The following SH3TC1 variants were observed in gnomAD, a reference collection of about 807,000 sequenced individuals.
SH3TC1 encodes SH3 domain and tetratricopeptide repeat-containing protein 1.
In SH3TC1, 135 loss-of-function variants were observed where a neutral mutation model predicts 117.3. The observed-to-expected ratio is 1.15, with a 90% confidence interval of 1.00 to 1.33. SH3TC1 has a LOEUF of 1.33. Among genes scored for constraint, SH3TC1 ranks in the 40% most tolerant of loss-of-function variants. The probability of loss-of-function intolerance (pLI) is 0.00; values close to 1 mark genes in which losing one functional copy is unlikely to be tolerated. For missense variants in SH3TC1, 2,092 were observed against 1,794.3 expected (o/e 1.17, Z -3.00); for synonymous variants, 898 against 816.9 (o/e 1.10, Z -1.69).
In SH3TC1 at chr4:8,205,240, G is replaced by A. The variant is rs1718103341; in HGVS notation, c.46G>A (p.Gly16Arg). 3 of 1,549,890 alleles carry A rather than the reference G, an allele frequency of 1.9e-6. No homozygotes were observed. In the South Asian group the frequency reaches 3.6e-5, roughly 18 times the overall value. Residue 16 changes from glycine to arginine, a missense_variant, in exon 2 of 18, where the codon GGG becomes AGG. Coordinates refer to ENST00000245105, the MANE Select transcript of SH3TC1 (RefSeq NM_018986.5). The surrounding 1 kb of genome is among the most constrained non-coding windows in gnomAD (Gnocchi z 5.4). Reference protein sequence around the residue: ...AVTTEEPTPMGRGPVGPSGGG... With the variant: ...AVTTEEPTPMRRGPVGPSGGG... ...GACCACTGAGGAGCCGACCCCCATG[G>A]GGAGGGGTCCTGTGGGACCCTCAGG... is the stretch of plus-strand genomic sequence containing the variant.
At position 8,236,326 on chromosome 4, in the gene SH3TC1, C is replaced by A; in HGVS notation, c.3454C>A (p.Leu1152Met). 1 of 1,553,946 alleles carries A rather than the reference C, an allele frequency of 6.4e-7. No homozygotes were observed. Residue 1152 changes from leucine (L) to methionine (M), a missense_variant, in exon 16 of 18, where the codon CTG (leucine) becomes ATG (methionine). Transcript: ENST00000245105. ...GACTACGGGCAACCGCAAGGCGGAGCTGCGGCTGTGCAACAAGCTGGTGGC... is the reference window on the plus strand; with the variant it reads ...GACTACGGGCAACCGCAAGGCGGAGATGCGGCTGTGCAACAAGCTGGTGGC... Reference protein sequence around the residue: ...AVTTGNRKAELRLCNKLVALL... With the variant: ...AVTTGNRKAEMRLCNKLVALL...
At chr4:8,226,094 C>T (rs1025653624) in intron 11 of SH3TC1, among the ~76,000 whole-genome samples, 3 of 152,068 alleles carry the variant, frequency 2.0e-5, no homozygotes, top group African/African-American at 7.2e-5. Flanking sequence ...AATAAGGAGA[C>T]AGTTTGTAGT....
At position 8,236,497 on chromosome 4, in the gene SH3TC1, G is replaced by A. The variant is rs919190760; in HGVS notation, c.3556+69G>A. On this transcript the variant is annotated intron_variant, in intron 16 of 17. Transcript: ENST00000245105. ...CAGAGCTCAGCCTCCAGGTCTGCAGGGCAGGAGCCGAAACAGCTGCCGGAT... is the reference window on the plus strand; with the variant it reads ...CAGAGCTCAGCCTCCAGGTCTGCAGAGCAGGAGCCGAAACAGCTGCCGGAT... 6 of 1,410,190 alleles carry A rather than the reference G, an allele frequency of 4.3e-6. No individual in the cohort carries two copies. In the African/African-American group the frequency reaches 4.5e-5, roughly 11 times the overall value. 87.4% of individuals were successfully genotyped at this position (1,410,190 alleles called of 1,614,324 possible). A position where few individuals can be genotyped will look rare whatever the true frequency, so the allele number is the denominator to read the frequency against.
intron 1 of SH3TC1, among the ~76,000 whole-genome samples, chr4:8,185,941 G>A (rs1717206465): frequency 1.3e-5 from 2 of 152,212 alleles, no homozygotes; most frequent in African/African-American, 4.8e-5. Flanking sequence ...GTCTGCTCCT[G>A]GATGCCCAGT....
At chr4:8,216,364 G>T in intron 6 of SH3TC1, 107 bp downstream of exon 6, 1 of 1,469,414 alleles carries the variant, frequency 6.8e-7, no homozygotes, top group South Asian at 1.4e-5. Context: ...GGGGCTGTGG[G>T]CTGCGGAGCC....
chr4:8,210,467 G>A lies in SH3TC1; in HGVS notation c.247+645G>A, dbSNP rs1356600601. On this transcript the variant is annotated intron_variant, in intron 3 of 17. Coordinates refer to ENST00000245105, the MANE Select transcript of SH3TC1 (RefSeq NM_018986.5). This position sits in a 1 kb window ranked among gnomAD's most constrained non-coding sequence, Gnocchi z 4.1. Reference sequence around the variant, plus strand: ...CCAGGACGCATTAGGCAATAGGACCGTTATTTAGAATTTGAAAATGCAGGC... The same window carrying A: ...CCAGGACGCATTAGGCAATAGGACCATTATTTAGAATTTGAAAATGCAGGC... Among the ~76,000 whole-genome samples, 1 of 152,212 alleles carries A rather than the reference G, an allele frequency of 6.6e-6. No homozygotes were observed. Among genetic ancestry groups the A allele is most frequent in the Non-Finnish European group, 1.5e-5 (1 of 68,040 alleles).
chr4:8,207,863 G>A (rs899695766), intron 2 of SH3TC1, among the ~76,000 whole-genome samples: 3 of 152,150 alleles, frequency 2.0e-5, no homozygotes, highest in African/African-American at 7.2e-5. Flanking sequence ...CTTTTCAACT[G>A]GAGGATGGTG....
Position 8,237,471 on chromosome 4 carries a change from C to A in SH3TC1, c.3557-3C>A. On this transcript the variant is annotated splice_polypyrimidine_tract_variant and splice_region_variant and intron_variant, in intron 16 of 17. Transcript: ENST00000245105. Reference sequence around the variant, plus strand: ...ACACCTGCCCCCTTGGCCTGCACCCCAGGGGACCGGCTGAACGAGCGCGTG... The same window carrying A: ...ACACCTGCCCCCTTGGCCTGCACCCAAGGGGACCGGCTGAACGAGCGCGTG... The A allele has an allele frequency of 6.4e-7, 1 of 1,561,022 alleles. No individual in the cohort carries two copies.
At chr4:8,232,751 A>G (rs1366322296) in intron 13 of SH3TC1, 2 of 1,289,672 alleles carry the variant, frequency 1.6e-6, no homozygotes, top group Admixed American at 2.3e-5. Context: ...ACTCACCAAG[A>G]GAGCAGGGAA....
chr4:8,214,604 T>C (rs200648098), intron 5 of SH3TC1, 24 bp downstream of exon 5: 110 of 1,600,026 alleles, frequency 6.9e-5, no homozygotes, highest in Non-Finnish European at 8.5e-5. Context: ...CCTCCCAGAA[T>C]TGGTCATGGG....
Position 8,232,050 on chromosome 4 carries a change from T to C in SH3TC1, c.3025T>C (p.Tyr1009His). The C allele has an allele frequency of 6.2e-7, 1 of 1,613,456 alleles. No individual in the cohort carries two copies. Among genetic ancestry groups the C allele is most frequent in the Non-Finnish European group, 8.5e-7 (1 of 1,180,004 alleles). Residue 1009 changes from tyrosine (Y) to histidine (H), a missense_variant, in exon 13 of 18, where the codon TAC becomes CAC. Coordinates refer to ENST00000245105, the MANE Select transcript of SH3TC1 (RefSeq NM_018986.5). ...GCCCAGCGAGGCCCAGTGTGTCATC[T>C]ACCATGAGCTCCAGCTCTCCCTGGC... ...VMPSEAQCVI[Y>H]HELQLSLACK...
intron 17 of SH3TC1, among the ~76,000 whole-genome samples, chr4:8,239,384 CAGGCCCCAT>C (rs1722124277): frequency 6.7e-6 from 1 of 148,590 alleles, no homozygotes; most frequent in African/African-American, 2.6e-5. Flanking sequence ...CACACAGGCA[CAGGCCCCAT>C]GTACACACAG....
chr4:8,216,748 G>T (rs1719315830), intron 6 of SH3TC1, among the ~76,000 whole-genome samples: 2 of 152,174 alleles, frequency 1.3e-5, no homozygotes. Flanking sequence ...GGCTGAGCCA[G>T]CCTCACACAC....
chr4:8,220,900 G>A (rs945961471), intron 9 of SH3TC1, among the ~76,000 whole-genome samples: 4 of 152,238 alleles, frequency 2.6e-5, no homozygotes, highest in African/African-American at 9.6e-5. Context: ...GATGGCAGGA[G>A]CTAGACCAGC....
Position 8,191,012 on chromosome 4 carries a change from GGC to G in SH3TC1, c.-57+8804_-57+8805del, listed in dbSNP as rs533980913. On this transcript the variant is annotated intron_variant, in intron 1 of 16. Transcript: ENST00000508641. ...TTTAAAGGTGGAGATGCTGAGGACTGGCGGGAGCTGCAGGGCTGCTGTGGGGG... is the reference window on the plus strand; with the variant it reads ...TTTAAAGGTGGAGATGCTGAGGACTGGGGAGCTGCAGGGCTGCTGTGGGGG... Among the ~76,000 whole-genome samples, 1,014 of 152,322 alleles carry G rather than the reference GGC, an allele frequency of 6.7e-3. 4 individuals carry two copies. The highest frequency in any genetic ancestry group is 0.01 in the Non-Finnish European group (688 of 68,026).
At chr4:8,194,567 CA>C (rs2152975175), upstream of SH3TC1, among the ~76,000 whole-genome samples, 1 of 152,316 alleles carries the variant, frequency 6.6e-6, no homozygotes, top group Non-Finnish European at 1.5e-5. Flanking sequence ...ACCTGTTCAG[CA>C]GCTTCCCAGC....
At chr4:8,232,843 A>C in intron 13 of SH3TC1, 3 of 1,268,356 alleles carry the variant, frequency 2.4e-6, no homozygotes, top group Non-Finnish European at 3.1e-6. Context: ...CCAGTGTGTT[A>C]GAGCCATGTT....
At chr4:8,196,561 A>G (rs1342505272), upstream of SH3TC1, among the ~76,000 whole-genome samples, 1 of 152,200 alleles carries the variant, frequency 6.6e-6, no homozygotes, top group Non-Finnish European at 1.5e-5. The surrounding 1 kb of genome is among the most constrained non-coding windows in gnomAD (Gnocchi z 4.6). Flanking sequence ...GGAAGCTGCC[A>G]GTAGAATCCA....
At position 8,212,694 on chromosome 4, in the gene SH3TC1, C is replaced by T. The variant is rs756207650; in HGVS notation, c.248-7C>T. The T allele has an allele frequency of 1.2e-5, 19 of 1,612,740 alleles. No homozygotes were observed. Among genetic ancestry groups the T allele is most frequent in the South Asian group, 7.7e-5 (7 of 91,052 alleles). ...ACCAACTGCCCAACCTCCGTCTGCC[C>T]CTCCAGACCTGACCCTGCAGCTGCT... On this transcript the variant is annotated splice_region_variant and splice_polypyrimidine_tract_variant and intron_variant, in intron 3 of 17. Transcript: ENST00000245105.
Sources: allele counts gnomAD v4.1 joint callset (sites outside exome capture counted in the v4.1 genomes callset), GRCh38; gene constraint gnomAD v4.1.1; non-coding constraint Gnocchi (gnomAD v3.1); transcripts MANE v1.5; gene names NCBI Gene and HGNC (gene_info 2026-07-23, HGNC 2026-07-21).